Variants in TRRAP observed in about 807,000 individuals in gnomAD.
TRRAP encodes transformation/transcription domain associated protein, also known as transformation/transcription domain-associated protein.
A neutral mutation model predicts 438.8 loss-of-function variants in TRRAP; 41 were observed. The observed-to-expected ratio is 0.09, with a 90% confidence interval of 0.07 to 0.12. The LOEUF is 0.12. TRRAP is among the 10% of genes least tolerant of loss of function. The probability of loss-of-function intolerance (pLI) is 1.00; values close to 1 mark genes in which losing one functional copy is unlikely to be tolerated. For synonymous variants in TRRAP, 1,994 were observed against 1,962.9 expected (o/e 1.02, Z -0.42); for missense variants, 3,122 against 5,055.1 (o/e 0.62, Z 11.60).
chr7:98,943,550 G>A (rs532074976), intron 31 of TRRAP, among the ~76,000 whole-genome samples: 1 of 152,230 alleles, frequency 6.6e-6, no homozygotes, highest in African/African-American at 2.4e-5. Flanking sequence ...CACCCCAATT[G>A]TTTGCCCAGT....
At chr7:98,935,481 G>A (rs1462703730) in intron 27 of TRRAP, 98 bp from the exon 28 acceptor site, 7 of 982,536 alleles carry the variant, frequency 7.1e-6, no homozygotes, top group Non-Finnish European at 7.5e-6. Context: ...TGTTAATTGT[G>A]TTGCAGTGTG....
chr7:98,915,415 C>T (rs1437158994), intron 18 of TRRAP, among the ~76,000 whole-genome samples: 1 of 152,172 alleles, frequency 6.6e-6, no homozygotes, highest in Non-Finnish European at 1.5e-5. Flanking sequence ...TGATCTCGTA[C>T]TCCTAATCTG....
intron 44 of TRRAP, among the ~76,000 whole-genome samples, chr7:98,958,879 T>C (rs759490399): frequency 5.3e-5 from 8 of 152,204 alleles, no homozygotes; most frequent in Non-Finnish European, 1.0e-4. Flanking sequence ...TATATCTTAA[T>C]AGAATTTTTG....
chr7:98,880,363 A>T (rs1795373507), intron 1 of TRRAP, among the ~76,000 whole-genome samples: 1 of 149,700 alleles, frequency 6.7e-6, no homozygotes, highest in African/African-American at 2.4e-5. Context: ...TCCTGGGTTC[A>T]AGTGATTCTC....
intron 41 of TRRAP, among the ~76,000 whole-genome samples, 181 bp downstream of exon 41, chr7:98,955,485 T>C (rs565996537): frequency 1.3e-5 from 2 of 152,348 alleles, no homozygotes; most frequent in Non-Finnish European, 2.9e-5. Context: ...TGCTGTAATA[T>C]AGAGAATATG....
chr7:98,957,908 G>C, intron 43 of TRRAP, 73 bp from the exon 44 acceptor site: 1 of 1,342,984 alleles, frequency 7.4e-7, no homozygotes, highest in Non-Finnish European at 1.0e-6. Flanking sequence ...CCATTAGCTG[G>C]GTGAAAAGTC....
chr7:99,010,519 G>C (rs958214959), intron 70 of TRRAP, among the ~76,000 whole-genome samples: 1 of 152,172 alleles, frequency 6.6e-6, no homozygotes, highest in Admixed American at 6.5e-5. Context: ...CCAGATGGTC[G>C]AACGGGAAGT....
Position 99,004,278 on chromosome 7 carries a change from C to T in TRRAP, c.10398C>T (p.Thr3466=), listed in dbSNP as rs1445657140. ...GGATCAAAATCTTGGAGGCCAAGAC[C>T]AAGCAACTCCCCAAATTCTTCCTCA... ...KKWIKILEAK[T]KQLPKFFLIE... Residue 3466 remains threonine, a synonymous_variant, in exon 68 of 73, where the codon ACC becomes ACT. Transcript: ENST00000456197. The T allele has an allele frequency of 5.0e-6, 8 of 1,614,086 alleles. No homozygotes were observed. The highest frequency in any genetic ancestry group is 3.3e-5 in the Admixed American group (2 of 60,016).
chr7:98,961,500 T>C, intron 46 of TRRAP, 26 bp downstream of exon 46: 1 of 1,609,082 alleles, frequency 6.2e-7, no homozygotes, highest in Non-Finnish European at 8.5e-7. Context: ...CACCGGTGCT[T>C]TTCTTTCAAA....
intron 40 of TRRAP, 116 bp downstream of exon 40, chr7:98,953,549 C>T: frequency 7.1e-7 from 1 of 1,400,438 alleles, no homozygotes. Flanking sequence ...CAATAAAAAC[C>T]ATGAAAACAC....
chr7:98,967,499 C>T lies in TRRAP; in HGVS notation c.7313C>T (p.Ser2438Phe), dbSNP rs1203186979. The T allele has an allele frequency of 6.2e-7, 1 of 1,613,858 alleles. No individual in the cohort carries two copies. The highest frequency in any genetic ancestry group is 8.5e-7 in the Non-Finnish European group (1 of 1,180,022). Reference sequence around the variant, plus strand: ...TGGTGTTACAGGGATGAGACCCTCTCTGGCAGCGAGCTGACGGCGAAACTT... The same window carrying T: ...TGGTGTTACAGGGATGAGACCCTCTTTGGCAGCGAGCTGACGGCGAAACTT... Reference protein sequence around the residue: ...VNYVYRDETLSGSELTAKLEP... With the variant: ...VNYVYRDETLFGSELTAKLEP... Residue 2438 changes from serine (S) to phenylalanine (F), a missense_variant, in exon 51 of 73, where the codon TCT (serine) becomes TTT (phenylalanine). By Grantham distance (155) the Ser-to-Phe change is radical. Transcript: ENST00000456197.
chr7:98,995,812 C>CGTCCCATCTACTTACTCTT (rs1793627312), intron 67 of TRRAP, among the ~76,000 whole-genome samples: 1 of 151,582 alleles, frequency 6.6e-6, no homozygotes, highest in South Asian at 2.1e-4. Flanking sequence ...TACACACCCG[C>CGTCCCATCTACTTACTCTT]GTCCCATCTA....
At chr7:98,878,943 C>T (rs1190401127) in intron 1 of TRRAP, among the ~76,000 whole-genome samples, 1 of 152,146 alleles carries the variant, frequency 6.6e-6, no homozygotes, top group African/African-American at 2.4e-5. Flanking sequence ...AAGGAGGGAA[C>T]CGGAGGGCCG....
At chr7:98,919,039 A>G (rs1218741181) in intron 20 of TRRAP, among the ~76,000 whole-genome samples, 1 of 152,002 alleles carries the variant, frequency 6.6e-6, no homozygotes, top group Non-Finnish European at 1.5e-5. Context: ...TTTTTCCTAC[A>G]TATTTTGCTG....
chr7:99,001,336 A>G (rs1793910840), intron 67 of TRRAP, among the ~76,000 whole-genome samples: 2 of 152,166 alleles, frequency 1.3e-5, no homozygotes, highest in African/African-American at 4.8e-5. Context: ...TCATCTCCTC[A>G]GGCTTATTGT....
intron 20 of TRRAP, among the ~76,000 whole-genome samples, chr7:98,917,915 A>C (rs1789583596): frequency 6.6e-6 from 1 of 152,014 alleles, no homozygotes; most frequent in Admixed American, 6.6e-5. Flanking sequence ...TGAGCCCAGG[A>C]GTTGGAGACC....
At chr7:98,883,588 C>T (rs1304663421) in intron 3 of TRRAP, among the ~76,000 whole-genome samples, 2 of 152,186 alleles carry the variant, frequency 1.3e-5, no homozygotes, top group Admixed American at 1.3e-4. Flanking sequence ...AATTTCAGCT[C>T]ACAGCATCCT....
chr7:98,962,565 G>T, intron 47 of TRRAP, 138 bp downstream of exon 47: 2 of 1,513,954 alleles, frequency 1.3e-6, no homozygotes, highest in East Asian at 2.3e-5. Flanking sequence ...GGTGTCTGTT[G>T]CCTGGGGCCC....
chr7:98,983,513 C>T (rs759516353), intron 60 of TRRAP, 54 bp downstream of exon 60: 125 of 1,597,372 alleles, frequency 7.8e-5, no homozygotes, highest in Middle Eastern at 1.7e-4. Context: ...AGACGCCCCA[C>T]GGTTCTGGTT....
Sources: allele counts gnomAD v4.1 joint callset (sites outside exome capture counted in the v4.1 genomes callset), GRCh38; gene constraint gnomAD v4.1.1; transcripts MANE v1.5; gene names NCBI Gene and HGNC (gene_info 2026-07-23, HGNC 2026-07-21).